Variants in SRGAP3 observed in about 807,000 individuals in gnomAD.
SRGAP3 encodes the protein SLIT-ROBO Rho GTPase-activating protein 3.
A neutral mutation model predicts 121.1 loss-of-function variants in SRGAP3; 39 were observed. The ratio of observed to expected loss-of-function variants is 0.32; its 90% CI spans 0.25 to 0.42. The LOEUF is 0.42. SRGAP3 is among the 10% of genes least tolerant of loss of function. The pLI is 1.00. For missense variants in SRGAP3, 1,213 were observed against 1,470.6 expected (o/e 0.82, Z 2.86); for synonymous variants, 601 against 570.0 (o/e 1.05, Z -0.77).
At chr3:9,203,652 C>T (rs934308237) in intron 1 of SRGAP3, among the ~76,000 whole-genome samples, 1 of 152,170 alleles carries the variant, frequency 6.6e-6, no homozygotes, top group Non-Finnish European at 1.5e-5. Flanking sequence ...TTATATTGGC[C>T]CCTGAGCTAT....
At chr3:9,028,893 T>A (rs1015489736) in intron 12 of SRGAP3, among the ~76,000 whole-genome samples, 4 of 152,162 alleles carry the variant, frequency 2.6e-5, no homozygotes. Context: ...GGGGCAGAAC[T>A]GGGGCCTTTA....
chr3:9,272,154 C>T (rs1030435693), intron 3 of SRGAP3, among the ~76,000 whole-genome samples: 3 of 152,226 alleles, frequency 2.0e-5, no homozygotes, highest in Non-Finnish European at 4.4e-5. Flanking sequence ...TGGATTGCAC[C>T]ATCCCTTCGT....
chr3:9,042,940 T>C (rs1945090441), intron 10 of SRGAP3, among the ~76,000 whole-genome samples: 1 of 152,122 alleles, frequency 6.6e-6, no homozygotes, highest in Admixed American at 6.6e-5. Flanking sequence ...GCAAATGTTG[T>C]CCCCTCTTCC....
In SRGAP3 at chr3:8,981,252, A is replaced by G. The variant is rs950509049; in HGVS notation, c.*4267T>C. ...CCAGAGAACCGGGGAAGTTGACATGAAATGTCAGCATTAGCTCTGCACAGC... is the reference window on the plus strand; with the variant it reads ...CCAGAGAACCGGGGAAGTTGACATGGAATGTCAGCATTAGCTCTGCACAGC... On this transcript the variant is annotated 3_prime_UTR_variant, in exon 22 of 22. Transcript: ENST00000383836. 1.7e-5 allele frequency: 4 copies of G among 232,836 alleles called. No homozygotes were observed. Among genetic ancestry groups the G allele is most frequent in the Middle Eastern group, 1.2e-3 (1 of 808 alleles). 14.4% of individuals were successfully genotyped at this position (232,836 alleles called of 1,614,324 possible). A position where few individuals can be genotyped will look rare whatever the true frequency, so the allele number is the denominator to read the frequency against.
chr3:9,297,624 G>A (rs1407824165), intron 3 of SRGAP3, among the ~76,000 whole-genome samples: 3 of 152,004 alleles, frequency 2.0e-5, no homozygotes, highest in Non-Finnish European at 4.4e-5. Context: ...GGCCAGGCAC[G>A]GTGACCCACG....
chr3:9,028,228 G>T, intron 12 of SRGAP3: 2 of 1,537,906 alleles, frequency 1.3e-6, no homozygotes, highest in Non-Finnish European at 1.8e-6. Flanking sequence ...CAGAGTCCGT[G>T]AACGCCGAAA....
intron 3 of SRGAP3, among the ~76,000 whole-genome samples, chr3:9,270,108 T>C (rs1173837166): frequency 6.6e-6 from 1 of 152,168 alleles, no homozygotes; most frequent in Non-Finnish European, 1.5e-5. Context: ...GTCTGGAGAC[T>C]AGACTTTGAG....
At chr3:9,167,455 C>A (rs1358568413) in intron 1 of SRGAP3, among the ~76,000 whole-genome samples, 1 of 152,228 alleles carries the variant, frequency 6.6e-6, no homozygotes, top group Non-Finnish European at 1.5e-5. Context: ...CAGCAACCCT[C>A]CCCAGGCCTA....
chr3:9,123,397 A>T (rs1460771665), intron 2 of SRGAP3, among the ~76,000 whole-genome samples: 4,820 of 89,072 alleles, frequency 0.054, 277 homozygotes, highest in African/African-American at 0.17. Flanking sequence ...ATACATACAC[A>T]ATACACATAC....
chr3:9,360,323 A>G (rs1329354104), intron 1 of SRGAP3, among the ~76,000 whole-genome samples: 2 of 152,240 alleles, frequency 1.3e-5, no homozygotes, highest in African/African-American at 2.4e-5. Flanking sequence ...TTATATCCCA[A>G]TAAACCCACC....
At chr3:9,148,542 C>T (rs568633240) in intron 1 of SRGAP3, among the ~76,000 whole-genome samples, 1 of 152,268 alleles carries the variant, frequency 6.6e-6, no homozygotes, top group African/African-American at 2.4e-5. Context: ...AACAGGGTAC[C>T]CCCATTTCCA....
At chr3:9,220,544 A>T (rs566234484) in intron 1 of SRGAP3, among the ~76,000 whole-genome samples, 332 of 152,284 alleles carry the variant, frequency 2.2e-3, no homozygotes, top group African/African-American at 7.9e-3. Flanking sequence ...AGTTTCAGGC[A>T]CAGGGCTCAG....
At chr3:9,188,502 C>T (rs1014493521) in intron 1 of SRGAP3, among the ~76,000 whole-genome samples, 4 of 152,238 alleles carry the variant, frequency 2.6e-5, no homozygotes, top group African/African-American at 9.6e-5. Flanking sequence ...CAGCAATCAT[C>T]TGCCACATAT....
intron 2 of SRGAP3, among the ~76,000 whole-genome samples, chr3:9,115,240 C>T (rs766153165): frequency 1.2e-4 from 19 of 152,270 alleles, no homozygotes; most frequent in Admixed American, 2.0e-4. Flanking sequence ...AGGATTTAAG[C>T]AGCTAAGGGC....
At chr3:9,144,255 A>G (rs1266058984) in intron 1 of SRGAP3, among the ~76,000 whole-genome samples, 3 of 152,236 alleles carry the variant, frequency 2.0e-5, no homozygotes, top group African/African-American at 4.8e-5. Context: ...TGTAAGACCT[A>G]CGTGGTGTGG....
chr3:9,286,038 G>C (rs966888685), intron 3 of SRGAP3, among the ~76,000 whole-genome samples: 1 of 151,012 alleles, frequency 6.6e-6, no homozygotes, highest in African/African-American at 2.4e-5. Context: ...CCTGAGCCTG[G>C]GAGATCATGG....
intron 11 of SRGAP3, chr3:9,035,873 C>T (rs1279788877): frequency 6.5e-6 from 1 of 153,274 alleles, no homozygotes; most frequent in Non-Finnish European, 1.5e-5. Flanking sequence ...CAGTCGGGCC[C>T]TTGGAGGCTA....
At chr3:9,203,303 C>A (rs868426740) in intron 1 of SRGAP3, among the ~76,000 whole-genome samples, 2 of 152,218 alleles carry the variant, frequency 1.3e-5, no homozygotes, top group Non-Finnish European at 2.9e-5. Context: ...GATTCTAGTG[C>A]TAACTCTGCC....
At chr3:9,039,079 T>C (rs1444320609) in intron 10 of SRGAP3, among the ~76,000 whole-genome samples, 1 of 152,160 alleles carries the variant, frequency 6.6e-6, no homozygotes, top group African/African-American at 2.4e-5. Context: ...ACTGCTCTTG[T>C]CAAGGTCAAC....
Sources: gnomAD v4.1 joint callset for allele counts (sites outside exome capture counted in the v4.1 genomes callset) on GRCh38, gnomAD v4.1.1 for gene constraint, MANE v1.5 for transcripts, NCBI Gene and HGNC (gene_info 2026-07-23, HGNC 2026-07-21) for gene names.